Variants in KLHL15 observed in about 807,000 individuals in gnomAD.
KLHL15 encodes kelch like family member 15.
In KLHL15, 1 loss-of-function variant was observed where a neutral mutation model predicts 29.3. The observed-to-expected ratio is 0.03, with a 90% CI of 0.01 to 0.16. KLHL15 has a LOEUF of 0.16. Among genes scored for constraint, KLHL15 ranks in the 10% least tolerant of loss-of-function variants. The pLI, the probability that KLHL15 is intolerant of heterozygous loss-of-function variation, is 1.00. For synonymous variants in KLHL15, 212 were observed against 184.5 expected (o/e 1.15, Z -1.21); for missense variants, 215 against 478.5 (o/e 0.45, Z 5.14).
intron 2 of KLHL15, among the ~76,000 whole-genome samples, chrX:24,019,538 G>A (rs1929761813): frequency 9.0e-6 from 1 of 111,202 alleles, no homozygotes; most frequent in Non-Finnish European, 1.9e-5. Flanking sequence ...TTACAGGTGT[G>A]AGCCACCAAG....
rs913294573 is a variant in KLHL15 at position 24,006,715 on chromosome X, A to C, written c.-7-15T>G. 3 of 1,110,006 alleles carry C rather than the reference A, an allele frequency of 2.7e-6. No individual in the cohort carries two copies. In the African/African-American group the frequency reaches 5.5e-5, roughly 20 times the overall value. The allele number at this position is 1,110,006 out of a possible 1,213,427, so 91.5% of individuals were successfully genotyped here. ...CCATGAATCACCTGGAAAAAAATCA[A>C]AGACAACAATGTTAAACACTTCCAT... On this transcript the variant is annotated splice_polypyrimidine_tract_variant and intron_variant, in intron 2 of 3. Transcript: ENST00000328046.
intron 2 of KLHL15, among the ~76,000 whole-genome samples, chrX:24,015,765 G>A (rs903306263): frequency 4.5e-5 from 5 of 112,159 alleles, no homozygotes; most frequent in African/African-American, 1.3e-4. Context: ...CTGGGAGGCC[G>A]AGGTGGGCAG....
intron 2 of KLHL15, among the ~76,000 whole-genome samples, chrX:24,011,599 G>A (rs754148223): frequency 6.3e-5 from 7 of 110,945 alleles, no homozygotes; most frequent in South Asian, 7.5e-4. Flanking sequence ...AGCCAAGATT[G>A]TGCCACTGCA....
chrX:24,020,764 A>C (rs1437499797), intron 2 of KLHL15, among the ~76,000 whole-genome samples: 1 of 111,967 alleles, frequency 8.9e-6, no homozygotes, highest in Non-Finnish European at 1.9e-5. Flanking sequence ...AAAAGCCTCT[A>C]TTGGGGAATA....
At position 23,987,764 on chromosome X, in the gene KLHL15, GA is replaced by G. The variant is rs1929011798; in HGVS notation, c.*156del. On this transcript the variant is annotated 3_prime_UTR_variant, in exon 4 of 4. Coordinates refer to ENST00000328046, the MANE Select transcript of KLHL15 (RefSeq NM_030624.3). Reference sequence around the variant, plus strand: ...TGCATGAGTTTGAGGCCACTGAAAAGAAAAAAAGGATGCTAGCACAGAATGA... The same window carrying G: ...TGCATGAGTTTGAGGCCACTGAAAAGAAAAAAGGATGCTAGCACAGAATGA... 8.4e-6 allele frequency: 4 copies of G among 475,532 alleles called. No individual in the cohort carries two copies. The highest frequency in any genetic ancestry group is 4.7e-5 in the Admixed American group (1 of 21,168). The allele number at this position is 475,532 out of a possible 1,213,427, so 39.2% of individuals were successfully genotyped here.
chrX:23,998,309 T>C (rs1159921659), intron 3 of KLHL15, among the ~76,000 whole-genome samples: 1 of 109,987 alleles, frequency 9.1e-6, no homozygotes, highest in African/African-American at 3.3e-5. Context: ...CAGGCTGGAG[T>C]GCAGTGGCGC....
chrX:24,001,802 C>CAAAA lies in KLHL15; in HGVS notation c.705+4183_705+4186dup, dbSNP rs766669649. Among the ~76,000 whole-genome samples the CAAAA allele has an allele frequency of 4.8e-3, 108 of 22,529 alleles. 1 individual carries two copies. The highest frequency in any genetic ancestry group is 7.2e-3 in the South Asian group (1 of 139). 19.6% of individuals were successfully genotyped at this position (22,529 alleles called of 115,157 possible). ...CTAGGAGACAGAGCGAGACTTGACT[C>CAAAA]AAAAAAAAAAAAAAAAAAAAAAAAA... On this transcript the variant is annotated intron_variant, in intron 3 of 3. Coordinates refer to ENST00000328046, the MANE Select transcript of KLHL15 (RefSeq NM_030624.3).
At chrX:23,992,842 T>A (rs982819799) in intron 3 of KLHL15, among the ~76,000 whole-genome samples, 1 of 112,234 alleles carries the variant, frequency 8.9e-6, no homozygotes, top group Non-Finnish European at 1.9e-5. Flanking sequence ...ATAAAACAAG[T>A]ATTATAACGA....
intron 3 of KLHL15, among the ~76,000 whole-genome samples, chrX:24,005,655 T>C (rs1357273988): frequency 8.9e-6 from 1 of 112,282 alleles, no homozygotes; most frequent in African/African-American, 3.2e-5. Flanking sequence ...TCCGATTTAA[T>C]TGATGAAATG....
At chrX:24,005,259 G>A (rs938255122) in intron 3 of KLHL15, among the ~76,000 whole-genome samples, 4 of 112,184 alleles carry the variant, frequency 3.6e-5, no homozygotes, top group African/African-American at 9.7e-5. Context: ...TGCAAAAAAA[G>A]GCCAAGGCTG....
At chrX:24,027,012 A>T (rs1206540267) in intron 1 of KLHL15, 128 bp downstream of exon 1, 3 of 112,757 alleles carry the variant, frequency 2.7e-5, no homozygotes, top group African/African-American at 9.6e-5. Flanking sequence ...AATAAACTTT[A>T]AAAATGCATA....
intron 3 of KLHL15, among the ~76,000 whole-genome samples, chrX:24,004,101 G>A (rs896220015): frequency 9.0e-6 from 1 of 111,056 alleles, no homozygotes; most frequent in Non-Finnish European, 1.9e-5. Context: ...ACGAATGGGG[G>A]CTTTTCCTTG....
intron 1 of KLHL15, among the ~76,000 whole-genome samples, chrX:24,026,581 C>T (rs1411363088): frequency 9.8e-6 from 1 of 102,281 alleles, no homozygotes; most frequent in Non-Finnish European, 2.0e-5. Context: ...CCCCACCCCC[C>T]GCCGCCATTT....
chrX:23,989,764 A>G (rs1376606701), intron 3 of KLHL15, among the ~76,000 whole-genome samples: 1 of 111,151 alleles, frequency 9.0e-6, no homozygotes, highest in African/African-American at 3.3e-5. Context: ...GTAAGAATTC[A>G]GTAGATATCA....
At chrX:24,005,254 A>G (rs1929422943) in intron 3 of KLHL15, among the ~76,000 whole-genome samples, 1 of 112,360 alleles carries the variant, frequency 8.9e-6, no homozygotes, top group African/African-American at 3.2e-5. Context: ...TTACATGCAA[A>G]AAAAGGCCAA....
At chrX:24,021,501 T>C (rs1175418386) in intron 2 of KLHL15, among the ~76,000 whole-genome samples, 1 of 112,403 alleles carries the variant, frequency 8.9e-6, no homozygotes, top group Non-Finnish European at 1.9e-5. Flanking sequence ...CCATTTTACT[T>C]AGTTTCCTTT....
intron 2 of KLHL15, among the ~76,000 whole-genome samples, chrX:24,020,113 A>C (rs569422411): frequency 4.4e-5 from 5 of 112,710 alleles, no homozygotes; most frequent in African/African-American, 1.6e-4. Flanking sequence ...ATTGATGCCT[A>C]TGCAGAAAAT....
At chrX:23,992,415 CTG>C (rs779940670) in intron 3 of KLHL15, among the ~76,000 whole-genome samples, 74 of 112,047 alleles carry the variant, frequency 6.6e-4, no homozygotes, top group Non-Finnish European at 1.0e-3. Flanking sequence ...GCTTTTGTCT[CTG>C]TAAAAATTTA....
chrX:24,015,807 T>C (rs1364464976), intron 2 of KLHL15, among the ~76,000 whole-genome samples: 2 of 111,223 alleles, frequency 1.8e-5, no homozygotes, highest in Non-Finnish European at 3.8e-5. Flanking sequence ...CAGACCAGCC[T>C]GGCCAATGTG....
Sources: gnomAD v4.1 joint callset for allele counts (sites outside exome capture counted in the v4.1 genomes callset) on GRCh38, gnomAD v4.1.1 for gene constraint, MANE v1.5 for transcripts, NCBI Gene and HGNC (gene_info 2026-07-23, HGNC 2026-07-21) for gene names.